The following ADAMTS17 variants were observed in gnomAD, a reference collection of about 807,000 sequenced individuals.
ADAMTS17 encodes ADAM metallopeptidase with thrombospondin type 1 motif 17, also known as A disintegrin and metalloproteinase with thrombospondin motifs 17.
A neutral mutation model predicts 141.5 loss-of-function variants in ADAMTS17; 113 were observed. That is an observed-to-expected ratio of 0.80 (90% CI 0.69 to 0.93). The LOEUF (loss-of-function observed/expected upper bound fraction) is 0.93, where lower values mean the gene tolerates loss of function less well. ADAMTS17 is among the 40% of genes least tolerant of loss of function. The pLI, the probability that ADAMTS17 is intolerant of heterozygous loss-of-function variation, is 0.00. For missense variants in ADAMTS17, 1,659 were observed against 1,517.9 expected, an observed-to-expected ratio of 1.09 and a Z score of -1.54; for synonymous variants, 768 against 630.6, an observed-to-expected ratio of 1.22 and a Z score of -3.27.
At chr15:100,070,277 C>A (rs890188495) in intron 15 of ADAMTS17, among the ~76,000 whole-genome samples, 4 of 149,754 alleles carry the variant, frequency 2.7e-5, no homozygotes, top group African/African-American at 9.9e-5. Flanking sequence ...ACTTAGACTC[C>A]CACACAATAA....
chr15:100,217,212 A>G (rs1297965262), intron 7 of ADAMTS17, among the ~76,000 whole-genome samples: 1 of 152,210 alleles, frequency 6.6e-6, no homozygotes, highest in Non-Finnish European at 1.5e-5. Flanking sequence ...AGTCTTTTCA[A>G]TTAGTGGTAC....
At chr15:100,020,068 A>C (rs1478144552) in intron 18 of ADAMTS17, among the ~76,000 whole-genome samples, 1 of 152,146 alleles carries the variant, frequency 6.6e-6, no homozygotes, top group East Asian at 1.9e-4. Context: ...AATCGTACCC[A>C]TCAGAAATAA....
intron 8 of ADAMTS17, among the ~76,000 whole-genome samples, chr15:100,185,863 C>T (rs2040697049): frequency 6.6e-6 from 1 of 152,204 alleles, no homozygotes; most frequent in Admixed American, 6.5e-5. Context: ...GAACACAAGC[C>T]TCCTGGTGCC....
chr15:100,069,340 C>G (rs2033798571), intron 15 of ADAMTS17, among the ~76,000 whole-genome samples: 1 of 152,178 alleles, frequency 6.6e-6, no homozygotes, highest in Admixed American at 6.5e-5. Context: ...TACAGGAGAA[C>G]TTCCCCAATC....
chr15:100,269,440 T>G lies in ADAMTS17; in HGVS notation c.790-7005A>C, dbSNP rs148760306. Among the ~76,000 whole-genome samples the G allele has an allele frequency of 2.5e-3, 377 of 152,318 alleles. 5 individuals carry two copies. Among genetic ancestry groups the G allele is most frequent in the African/African-American group, 8.7e-3 (360 of 41,552 alleles). ...ACACATTGCTGGGATTTTGATTGATTGACTGATCTTTAATTTTTACTTTTT... is the reference window on the plus strand; with the variant it reads ...ACACATTGCTGGGATTTTGATTGATGGACTGATCTTTAATTTTTACTTTTT... On this transcript the variant is annotated intron_variant, in intron 4 of 21. Coordinates refer to ENST00000268070, the MANE Select transcript of ADAMTS17 (RefSeq NM_139057.4).
intron 18 of ADAMTS17, among the ~76,000 whole-genome samples, chr15:100,033,576 T>G (rs897963673): frequency 6.6e-6 from 1 of 152,174 alleles, no homozygotes; most frequent in Non-Finnish European, 1.5e-5. Context: ...TCTTCCTTCT[T>G]CTGGTGAGAG....
chr15:100,032,458 T>C (rs2030272377), intron 18 of ADAMTS17, among the ~76,000 whole-genome samples: 1 of 152,180 alleles, frequency 6.6e-6, no homozygotes, highest in Non-Finnish European at 1.5e-5. Flanking sequence ...AACTACAGCA[T>C]TCTGAAAAAT....
rs1443992760 is a variant in ADAMTS17 at position 99,993,288 on chromosome 15, C to T, written c.2797-88G>A. ...TTAACTCCCTCCAATGTGCCAGGTGCGGTGTGGGGATGATACAAAGATGAA... is the reference window on the plus strand; with the variant it reads ...TTAACTCCCTCCAATGTGCCAGGTGTGGTGTGGGGATGATACAAAGATGAA... On this transcript the variant is annotated intron_variant, in intron 19 of 21. Coordinates refer to ENST00000268070, the MANE Select transcript of ADAMTS17 (RefSeq NM_139057.4). This position sits in a 1 kb window ranked among gnomAD's most constrained non-coding sequence, Gnocchi z 4.3. 45 of 1,547,094 alleles carry T rather than the reference C, an allele frequency of 2.9e-5. No homozygotes were observed. The highest frequency in any genetic ancestry group is 3.6e-5 in the Non-Finnish European group (41 of 1,125,480).
intron 15 of ADAMTS17, among the ~76,000 whole-genome samples, chr15:100,083,696 G>C (rs1708949760): frequency 6.6e-6 from 1 of 150,520 alleles, no homozygotes; most frequent in Non-Finnish European, 1.5e-5. Context: ...CTAGTTTGAG[G>C]GCAGTTGGTG....
chr15:100,107,607 G>A (rs767931076), intron 14 of ADAMTS17, among the ~76,000 whole-genome samples: 3 of 152,122 alleles, frequency 2.0e-5, no homozygotes, highest in Non-Finnish European at 4.4e-5. Context: ...GTTTTGCGAG[G>A]TGACTGGGTC....
At chr15:100,186,478 G>A (rs926453586) in intron 8 of ADAMTS17, among the ~76,000 whole-genome samples, 4 of 152,156 alleles carry the variant, frequency 2.6e-5, no homozygotes, top group South Asian at 2.1e-4. Flanking sequence ...CTGAATTGCC[G>A]CATACCCTTT....
At chr15:100,199,062 C>A (rs1039215053) in intron 8 of ADAMTS17, among the ~76,000 whole-genome samples, 1 of 152,168 alleles carries the variant, frequency 6.6e-6, no homozygotes, top group East Asian at 1.9e-4. Context: ...CTGAGAGGAA[C>A]CTCTTCTTTC....
At position 99,991,429 on chromosome 15, in the gene ADAMTS17, A is replaced by T. The variant is rs149124941; in HGVS notation, c.2949+1619T>A. Among the ~76,000 whole-genome samples the T allele has an allele frequency of 9.5e-3, 1,449 of 152,382 alleles. 10 individuals carry two copies. Among genetic ancestry groups the T allele is most frequent in the Non-Finnish European group, 0.015 (992 of 68,036 alleles). On this transcript the variant is annotated intron_variant, in intron 20 of 21. Transcript: ENST00000268070. ...ATAAACATATGAAAAAAAGCTCATC[A>T]TCACTGGTCATTAGAGAAATGCAAA...
chr15:100,281,557 G>A (rs1412772773), intron 3 of ADAMTS17, among the ~76,000 whole-genome samples, 156 bp from the exon 4 acceptor site: 2 of 152,170 alleles, frequency 1.3e-5, no homozygotes, highest in Non-Finnish European at 2.9e-5. Context: ...TCATGTGGGT[G>A]CCCCGAGTTC....
chr15:100,097,429 C>A (rs960671411), intron 14 of ADAMTS17, among the ~76,000 whole-genome samples: 2 of 152,296 alleles, frequency 1.3e-5, no homozygotes, highest in South Asian at 4.1e-4. Context: ...GGTGAGTTAG[C>A]CCCTTCCCGT....
At position 100,231,675 on chromosome 15, in the gene ADAMTS17, C is replaced by T. The variant is rs1261285767; in HGVS notation, c.1075+22461G>A. On this transcript the variant is annotated intron_variant, in intron 7 of 21. Transcript: ENST00000268070. ...CTGGTGTGTCCAAGGGTTCTCAGGG[C>T]AGGAGTGAGTTTGGAATCACCTACT... Among the ~76,000 whole-genome samples the T allele has an allele frequency of 3.9e-5, 6 of 152,270 alleles. No homozygotes were observed. In the South Asian group the frequency reaches 1.0e-3, roughly 26 times the overall value.
chr15:100,041,255 T>C (rs1358411218), intron 18 of ADAMTS17, among the ~76,000 whole-genome samples: 1 of 152,250 alleles, frequency 6.6e-6, no homozygotes, highest in Non-Finnish European at 1.5e-5. Context: ...TGAATGTTCT[T>C]TTCTGAATCA....
chr15:100,036,521 G>A (rs566636387), intron 18 of ADAMTS17, among the ~76,000 whole-genome samples: 3 of 152,322 alleles, frequency 2.0e-5, no homozygotes, highest in Non-Finnish European at 2.9e-5. Flanking sequence ...CTGCACTCAC[G>A]GGAGCCTGCG....
chr15:100,282,573 C>G (rs2044320056), intron 3 of ADAMTS17, among the ~76,000 whole-genome samples: 1 of 152,240 alleles, frequency 6.6e-6, no homozygotes, highest in Admixed American at 6.5e-5. Context: ...GTCTCTCTCT[C>G]AAAATCGCTC....
Sources: allele counts gnomAD v4.1 joint callset (sites outside exome capture counted in the v4.1 genomes callset), GRCh38; gene constraint gnomAD v4.1.1; non-coding constraint Gnocchi (gnomAD v3.1); transcripts MANE v1.5; gene names NCBI Gene and HGNC (gene_info 2026-07-23, HGNC 2026-07-21).